IMMP2L: variants seen among roughly 807,000 people sequenced by gnomAD.
IMMP2L encodes the protein mitochondrial inner membrane protease subunit 2.
IMMP2L carries 18 observed loss-of-function variants against 19.3 expected under a neutral mutation model. The observed-to-expected ratio is 0.93, with a 90% CI of 0.64 to 1.38. The LOEUF is 1.38. IMMP2L is among the 40% of genes most tolerant of loss of function. The probability of loss-of-function intolerance (pLI) is 0.00; values close to 1 mark genes in which losing one functional copy is unlikely to be tolerated. For synonymous variants in IMMP2L, 76 were observed against 73.0 expected (o/e 1.04, Z -0.21); for missense variants, 233 against 218.2 (o/e 1.07, Z -0.43).
Position 111,047,176 on chromosome 7 carries a change from TTTTTTTTTTG to T in IMMP2L, c.240-83621_240-83612del, listed in dbSNP as rs1792484886. On this transcript the variant is annotated intron_variant, in intron 3 of 5. Coordinates refer to ENST00000405709, the MANE Select transcript of IMMP2L (RefSeq NM_032549.4). Reference sequence around the variant, plus strand: ...GTTTAACTTCAAAATGTCTTTTTTGTTTTTTTTTTGTTTTTTTTTTGTTTTTTTTGAGACA... The same window carrying T: ...GTTTAACTTCAAAATGTCTTTTTTGTTTTTTTTTTTGTTTTTTTTGAGACA... Among the ~76,000 whole-genome samples, 4 of 24,032 alleles carry T rather than the reference TTTTTTTTTTG, an allele frequency of 1.7e-4. No homozygotes were observed. In the Admixed American group the frequency reaches 2.1e-3, roughly 12 times the overall value. The allele number at this position is 24,032 out of a possible 152,430, so 15.8% of individuals were successfully genotyped here.
chr7:110,950,560 C>A (rs1254281898), intron 4 of IMMP2L, among the ~76,000 whole-genome samples: 1 of 151,634 alleles, frequency 6.6e-6, no homozygotes, highest in Non-Finnish European at 1.5e-5. Context: ...TATGATCCAG[C>A]AATTCTACTT....
chr7:111,151,280 T>C (rs984241944), intron 3 of IMMP2L, among the ~76,000 whole-genome samples: 5 of 152,150 alleles, frequency 3.3e-5, no homozygotes, highest in African/African-American at 1.2e-4. Context: ...TTTTTCCACA[T>C]CTTTAAAATG....
intron 3 of IMMP2L, among the ~76,000 whole-genome samples, chr7:111,093,868 C>T (rs1410593334): frequency 6.6e-6 from 1 of 152,046 alleles, no homozygotes; most frequent in African/African-American, 2.4e-5. Context: ...TTCAAAGGAC[C>T]ATTTTTTTCA....
At chr7:111,090,861 A>G (rs1796785393) in intron 3 of IMMP2L, 1 of 152,212 alleles carries the variant, frequency 6.6e-6, no homozygotes, top group African/African-American at 2.4e-5. Context: ...AATGACTGAT[A>G]ACCTAAAATT....
At chr7:110,831,163 C>T (rs1490880969) in intron 5 of IMMP2L, among the ~76,000 whole-genome samples, 2 of 152,084 alleles carry the variant, frequency 1.3e-5, no homozygotes, top group African/African-American at 2.4e-5. Flanking sequence ...TTGCATTCCT[C>T]GACCCTTAAA....
intron 3 of IMMP2L, among the ~76,000 whole-genome samples, chr7:111,070,094 T>A (rs954831426): frequency 1.3e-5 from 2 of 152,128 alleles, no homozygotes; most frequent in African/African-American, 4.8e-5. Flanking sequence ...GTAGTTCACA[T>A]TTTTGTGAGG....
chr7:110,980,259 G>T (rs1370544725), intron 3 of IMMP2L, among the ~76,000 whole-genome samples: 2 of 117,462 alleles, frequency 1.7e-5, no homozygotes, highest in Non-Finnish European at 3.4e-5. Context: ...TAGGAGTCTC[G>T]CTCTGTCGCC....
intron 3 of IMMP2L, among the ~76,000 whole-genome samples, chr7:111,302,239 A>T (rs1451081665): frequency 2.0e-5 from 3 of 152,080 alleles, no homozygotes; most frequent in African/African-American, 7.2e-5. Flanking sequence ...AGCTATACAA[A>T]CACCCAAGTT....
intron 5 of IMMP2L, among the ~76,000 whole-genome samples, chr7:110,740,711 C>T (rs1796937344): frequency 6.6e-6 from 1 of 151,710 alleles, no homozygotes; most frequent in Non-Finnish European, 1.5e-5. Flanking sequence ...AGTGCAACAC[C>T]ACCTCACTCC....
chr7:111,235,565 A>G (rs1586960015), intron 3 of IMMP2L, among the ~76,000 whole-genome samples: 1 of 151,978 alleles, frequency 6.6e-6, no homozygotes, highest in South Asian at 2.1e-4. Context: ...TTCCAAAGCA[A>G]AGACTCTTAA....
At chr7:111,388,801 C>T (rs935949866) in intron 3 of IMMP2L, among the ~76,000 whole-genome samples, 2 of 152,084 alleles carry the variant, frequency 1.3e-5, no homozygotes, top group African/African-American at 4.8e-5. Context: ...CCCCCTGGGT[C>T]CCTCCCACAA....
At chr7:111,231,735 A>G (rs78713316) in intron 3 of IMMP2L, among the ~76,000 whole-genome samples, 1 of 152,038 alleles carries the variant, frequency 6.6e-6, no homozygotes, top group Non-Finnish European at 1.5e-5. Context: ...TGAGTACTGA[A>G]GTAACATAAA....
intron 3 of IMMP2L, among the ~76,000 whole-genome samples, chr7:111,120,417 G>A (rs1800450895): frequency 6.6e-6 from 1 of 152,028 alleles, no homozygotes; most frequent in Admixed American, 6.6e-5. Flanking sequence ...GATCTCCTGA[G>A]ACTTATTTCA....
rs556493682 is a variant in IMMP2L at position 111,099,079 on chromosome 7, A to G, written c.240-135514T>C. 2.4e-4 allele frequency among the ~76,000 whole-genome samples: 36 copies of G among 151,766 alleles called. No individual in the cohort carries two copies. The South Asian group carries it at 5.4e-3, about 23-fold the overall frequency. ...AAAATGATTTTTTGTAGTTCAATTC[A>G]CAGCTAGACCTGTGAACTGGCAGCT... On this transcript the variant is annotated intron_variant, in intron 3 of 5. Coordinates refer to ENST00000405709, the MANE Select transcript of IMMP2L (RefSeq NM_032549.4).
chr7:110,984,116 C>T (rs575647604), intron 3 of IMMP2L, among the ~76,000 whole-genome samples: 19 of 151,976 alleles, frequency 1.3e-4, no homozygotes, highest in African/African-American at 3.1e-4. Flanking sequence ...TACTGTTTAA[C>T]GGAGAACATG....
chr7:111,431,917 C>A (rs1215034160), intron 3 of IMMP2L, among the ~76,000 whole-genome samples: 2 of 151,282 alleles, frequency 1.3e-5, no homozygotes, highest in African/African-American at 4.9e-5. Context: ...TTTTTCCAAA[C>A]TTTCCTCAGA....
At chr7:111,485,338 G>C (rs894120474) in intron 3 of IMMP2L, among the ~76,000 whole-genome samples, 18 of 151,916 alleles carry the variant, frequency 1.2e-4, no homozygotes, top group African/African-American at 4.4e-4. Context: ...AGTGGCTCAC[G>C]CCTGTAATCC....
chr7:111,450,456 G>A (rs2131899728), intron 3 of IMMP2L, among the ~76,000 whole-genome samples: 1 of 152,022 alleles, frequency 6.6e-6, no homozygotes, highest in Non-Finnish European at 1.5e-5. Context: ...CAAGCAATGG[G>A]GAAAGGATTC....
intron 3 of IMMP2L, among the ~76,000 whole-genome samples, chr7:111,385,079 C>A (rs761656606): frequency 2.6e-5 from 4 of 152,104 alleles, no homozygotes; most frequent in Non-Finnish European, 5.9e-5. Context: ...TGCCCTCATG[C>A]ACCTCTTTCT....
Sources: allele counts gnomAD v4.1 joint callset (sites outside exome capture counted in the v4.1 genomes callset), GRCh38; gene constraint gnomAD v4.1.1; transcripts MANE v1.5; gene names NCBI Gene and HGNC (gene_info 2026-07-23, HGNC 2026-07-21).